Variants in TNR observed in about 807,000 individuals in gnomAD.
TNR encodes the protein tenascin-R.
In TNR, 45 loss-of-function variants were observed where a neutral mutation model predicts 150.4. That is an observed-to-expected ratio of 0.30 (90% CI 0.24 to 0.38). The LOEUF (loss-of-function observed/expected upper bound fraction) is 0.38. Ranked by LOEUF, TNR falls within the 10% of genes least tolerant of loss-of-function variation. The pLI, the probability that TNR is intolerant of heterozygous loss-of-function variation, is 1.00. For synonymous variants in TNR, 687 were observed against 678.4 expected (o/e 1.01, Z -0.20); for missense variants, 1,544 against 1,759.1 (o/e 0.88, Z 2.19).
intron 1 of TNR, among the ~76,000 whole-genome samples, chr1:175,624,041 A>G (rs1349547649): frequency 6.6e-6 from 1 of 152,228 alleles, no homozygotes; most frequent in Admixed American, 6.5e-5. Flanking sequence ...AAGATTAGGA[A>G]GAGTGGGCAC....
intron 7 of TNR, 81 bp from the exon 8 acceptor site, chr1:175,386,382 T>C (rs1652931446): frequency 1.4e-6 from 2 of 1,424,588 alleles, no homozygotes; most frequent in East Asian, 5.0e-5. Context: ...TTCCTCCTTA[T>C]GGAAGTCTGG....
At chr1:175,340,456 C>T (rs1650467886) in intron 18 of TNR, among the ~76,000 whole-genome samples, 1 of 152,218 alleles carries the variant, frequency 6.6e-6, no homozygotes, top group African/African-American at 2.4e-5. Flanking sequence ...CTCACATTTA[C>T]AGCAAAACCA....
intron 1 of TNR, among the ~76,000 whole-genome samples, chr1:175,582,511 T>C (rs1662391256): frequency 6.6e-6 from 1 of 152,168 alleles, no homozygotes; most frequent in Admixed American, 6.5e-5. Flanking sequence ...GATGGGAAGA[T>C]GACTACAAAC....
intron 2 of TNR, among the ~76,000 whole-genome samples, chr1:175,524,430 G>A (rs1016407039): frequency 6.6e-6 from 1 of 151,902 alleles, no homozygotes; most frequent in Non-Finnish European, 1.5e-5. Flanking sequence ...TTGTTTGTTT[G>A]TTTTAATGGA....
chr1:175,467,520 G>A (rs994922750), intron 2 of TNR, among the ~76,000 whole-genome samples: 8 of 152,168 alleles, frequency 5.3e-5, no homozygotes, highest in East Asian at 3.9e-4. Flanking sequence ...CTTTCTAGCC[G>A]GGGGATGTCA....
In TNR at chr1:175,534,293, C is replaced by G. The variant is rs1485386160; in HGVS notation, c.-164-5924G>C. On this transcript the variant is annotated intron_variant, in intron 1 of 22. Transcript: ENST00000367674. ...TGGGGTGGACCCTCCACAGAAGTTG[C>G]TTGACAATGACTAGACAAGCCATTC... Among the ~76,000 whole-genome samples, 4 of 152,200 alleles carry G rather than the reference C, an allele frequency of 2.6e-5. No individual in the cohort carries two copies. In the East Asian group the frequency reaches 7.7e-4, roughly 29 times the overall value.
intron 1 of TNR, among the ~76,000 whole-genome samples, chr1:175,574,423 G>A (rs535951353): frequency 1.3e-5 from 2 of 152,288 alleles, no homozygotes; most frequent in African/African-American, 4.8e-5. Context: ...AAAGATGGGA[G>A]TAGGAGTCAA....
chr1:175,582,987 G>A (rs187659083), intron 1 of TNR, among the ~76,000 whole-genome samples: 7 of 151,976 alleles, frequency 4.6e-5, no homozygotes, highest in Non-Finnish European at 1.0e-4. Context: ...CCCAACCCCC[G>A]AGATGCCAGC....
chr1:175,717,122 T>G (rs749605055), intron 1 of TNR, among the ~76,000 whole-genome samples: 52 of 152,258 alleles, frequency 3.4e-4, no homozygotes, highest in Middle Eastern at 3.4e-3. Flanking sequence ...CTAAAACATT[T>G]CTTAGAGCAT....
At chr1:175,708,022 G>C (rs1023284909) in intron 1 of TNR, among the ~76,000 whole-genome samples, 19 of 100,690 alleles carry the variant, frequency 1.9e-4, no homozygotes, top group African/African-American at 8.9e-4. Flanking sequence ...GTGTGTTTGT[G>C]TGTGTGTGTG....
chr1:175,598,916 A>G (rs1469500103), intron 1 of TNR, among the ~76,000 whole-genome samples: 1 of 152,222 alleles, frequency 6.6e-6, no homozygotes, highest in Non-Finnish European at 1.5e-5. Flanking sequence ...TGTAAGCTCC[A>G]TGAGGGCAGA....
intron 1 of TNR, among the ~76,000 whole-genome samples, chr1:175,690,820 G>A (rs1236960843): frequency 6.6e-6 from 1 of 152,184 alleles, no homozygotes; most frequent in Non-Finnish European, 1.5e-5. Context: ...CTGAGGGAAG[G>A]GTGGGAGTCA....
chr1:175,630,143 C>A (rs1049537167), intron 1 of TNR, among the ~76,000 whole-genome samples: 1 of 152,088 alleles, frequency 6.6e-6, no homozygotes. Flanking sequence ...GTGGAAGACT[C>A]CAGGGGCTCC....
At chr1:175,631,742 G>A (rs547853529) in intron 1 of TNR, among the ~76,000 whole-genome samples, 48 of 152,188 alleles carry the variant, frequency 3.2e-4, no homozygotes, top group African/African-American at 1.2e-3. Flanking sequence ...TGTGTGTTGT[G>A]TATGTGTAAA....
At chr1:175,532,203 G>C (rs1660097404) in intron 1 of TNR, among the ~76,000 whole-genome samples, 1 of 152,252 alleles carries the variant, frequency 6.6e-6, no homozygotes, top group Admixed American at 6.5e-5. Flanking sequence ...CAAGGATGCT[G>C]ATCAGCTATA....
intron 2 of TNR, among the ~76,000 whole-genome samples, chr1:175,465,142 T>A (rs1656975585): frequency 6.6e-6 from 1 of 152,190 alleles, no homozygotes; most frequent in Non-Finnish European, 1.5e-5. Context: ...GCCAGAAGTC[T>A]GATAACACAC....
At chr1:175,504,546 T>C (rs2102152765) in intron 2 of TNR, among the ~76,000 whole-genome samples, 1 of 152,338 alleles carries the variant, frequency 6.6e-6, no homozygotes, top group Admixed American at 6.5e-5. Context: ...CCCCTCACTC[T>C]GGCTGTGGCT....
At chr1:175,373,266 T>C (rs1652188815) in intron 9 of TNR, among the ~76,000 whole-genome samples, 1 of 152,148 alleles carries the variant, frequency 6.6e-6, no homozygotes, top group Admixed American at 6.5e-5. Context: ...CAGGGACTAA[T>C]ATAGGGTCCC....
intron 2 of TNR, among the ~76,000 whole-genome samples, chr1:175,520,256 G>A (rs573057390): frequency 6.6e-6 from 1 of 152,298 alleles, no homozygotes; most frequent in South Asian, 2.1e-4. Flanking sequence ...TCTGGTATCA[G>A]ATGAACAGAG....
Sources: gnomAD v4.1 joint callset for allele counts (sites outside exome capture counted in the v4.1 genomes callset) on GRCh38, gnomAD v4.1.1 for gene constraint, MANE v1.5 for transcripts, NCBI Gene and HGNC (gene_info 2026-07-23, HGNC 2026-07-21) for gene names.